Variants in OR51B5 observed in about 807,000 individuals in gnomAD.
OR51B5 encodes olfactory receptor family 51 subfamily B member 5, also known as olfactory receptor 51B5.
For missense variants in OR51B5, 456 were observed against 374.6 expected, an observed-to-expected ratio of 1.22 and a Z score of -1.79; for synonymous variants, 186 against 144.8, an observed-to-expected ratio of 1.28 and a Z score of -2.04.
chr11:5,421,483 G>A (rs1300600956), intron 1 of OR51B5, among the ~76,000 whole-genome samples: 2 of 152,234 alleles, frequency 1.3e-5, no homozygotes, highest in East Asian at 1.9e-4. Context: ...CTCAATAAAT[G>A]TGATTGTCTT....
chr11:5,382,274 C>T lies in OR51B5; in HGVS notation n.85-35364G>A, dbSNP rs376020576. Among the ~76,000 whole-genome samples the T allele has an allele frequency of 7.2e-5, 11 of 152,322 alleles. No homozygotes were observed. In the East Asian group the frequency reaches 1.7e-3, roughly 24 times the overall value. Reference sequence around the variant, plus strand: ...TTCCTCACCTCCATGCCCTTGCTTACACTACCCCTCCTTTTTGGAAATACC... The same window carrying T: ...TTCCTCACCTCCATGCCCTTGCTTATACTACCCCTCCTTTTTGGAAATACC... On this transcript the variant is annotated intron_variant and non_coding_transcript_variant, in intron 1 of 4. Transcript: ENST00000415970.
intron 1 of OR51B5, among the ~76,000 whole-genome samples, chr11:5,443,131 A>C (rs928156335): frequency 6.6e-6 from 1 of 152,152 alleles, no homozygotes; most frequent in African/African-American, 2.4e-5. Context: ...CTCTTCTACT[A>C]TATTTTCATG....
chr11:5,442,144 C>A (rs1330783536), intron 1 of OR51B5, among the ~76,000 whole-genome samples: 1 of 152,104 alleles, frequency 6.6e-6, no homozygotes, highest in Non-Finnish European at 1.5e-5. Context: ...AACTACTCAC[C>A]CACACTAAAA....
chr11:5,452,362 CG>C (rs1271523521), intron 1 of OR51B5, among the ~76,000 whole-genome samples: 1 of 151,690 alleles, frequency 6.6e-6, no homozygotes, highest in Non-Finnish European at 1.5e-5. Flanking sequence ...AAAAATTAGC[CG>C]GGCATGGTGG....
At chr11:5,416,375 G>C (rs889301984) in intron 1 of OR51B5, among the ~76,000 whole-genome samples, 5 of 152,138 alleles carry the variant, frequency 3.3e-5, no homozygotes, top group African/African-American at 1.2e-4. Flanking sequence ...ACAAGACAAG[G>C]ATGCCCTCTC....
chr11:5,371,814 A>T (rs568579067), intron 1 of OR51B5, among the ~76,000 whole-genome samples: 1 of 152,178 alleles, frequency 6.6e-6, no homozygotes, highest in Admixed American at 6.5e-5. Context: ...TTTACAGTAC[A>T]GTATTAAGTC....
rs755339032 is a variant in OR51B5 at position 5,351,629 on chromosome 11, G to A, written n.85-4719C>T. On this transcript the variant is annotated intron_variant and non_coding_transcript_variant, in intron 1 of 4. Coordinates refer to the OR51B5 transcript ENST00000415970. Reference sequence around the variant, plus strand: ...TACATCTCCATACTTCTTGGCAATGGCACTCTTCTCTTTCTCATCAGGAAT... The same window carrying A: ...TACATCTCCATACTTCTTGGCAATGACACTCTTCTCTTTCTCATCAGGAAT... 23 of 1,613,882 alleles carry A rather than the reference G, an allele frequency of 1.4e-5. No individual in the cohort carries two copies. The South Asian group carries it at 2.3e-4, about 16-fold the overall frequency.
chr11:5,431,765 A>G (rs1290387503), intron 1 of OR51B5, among the ~76,000 whole-genome samples: 6 of 152,250 alleles, frequency 3.9e-5, no homozygotes, highest in African/African-American at 1.4e-4. Flanking sequence ...TCTGAATAAA[A>G]GTATAACAGA....
At chr11:5,407,916 G>T (rs976073039) in intron 1 of OR51B5, among the ~76,000 whole-genome samples, 15 of 151,966 alleles carry the variant, frequency 9.9e-5, no homozygotes, top group East Asian at 3.9e-4. Flanking sequence ...ATTGACAAAG[G>T]TTAAACATTC....
At chr11:5,393,825 T>C (rs550668417) in intron 1 of OR51B5, among the ~76,000 whole-genome samples, 1 of 152,306 alleles carries the variant, frequency 6.6e-6, no homozygotes, top group Non-Finnish European at 1.5e-5. Context: ...AAATCATTAA[T>C]GTAAGTCAGA....
chr11:5,377,489 G>C (rs778972381), intron 1 of OR51B5, among the ~76,000 whole-genome samples: 5 of 152,086 alleles, frequency 3.3e-5, no homozygotes, highest in African/African-American at 9.7e-5. Context: ...AGGAAAAAAG[G>C]GTATTCAATT....
intron 1 of OR51B5, among the ~76,000 whole-genome samples, chr11:5,358,333 T>C (rs1356715338): frequency 1.3e-5 from 2 of 150,702 alleles, no homozygotes; most frequent in African/African-American, 4.9e-5. Context: ...CCCACAGAAA[T>C]ACAAACCACC....
chr11:5,488,804 C>G, intron 1 of OR51B5: 1 of 1,614,036 alleles, frequency 6.2e-7, no homozygotes, highest in Middle Eastern at 1.7e-4. Flanking sequence ...ATTGCCATCC[C>G]TTTCTGTGCC....
At chr11:5,384,433 C>A (rs897124030) in intron 1 of OR51B5, among the ~76,000 whole-genome samples, 1 of 152,192 alleles carries the variant, frequency 6.6e-6, no homozygotes, top group African/African-American at 2.4e-5. Context: ...TGCACAGAAC[C>A]AGAGCCAGAG....
chr11:5,441,432 C>A (rs751302149), intron 1 of OR51B5: 1 of 1,613,914 alleles, frequency 6.2e-7, no homozygotes, highest in Admixed American at 1.7e-5. Context: ...CAGGGCAACC[C>A]AGGTGAGGCC....
chr11:5,449,516 G>A (rs1377567575), intron 1 of OR51B5, among the ~76,000 whole-genome samples: 1 of 152,212 alleles, frequency 6.6e-6, no homozygotes, highest in Non-Finnish European at 1.5e-5. Flanking sequence ...ATGAGCAAAG[G>A]AGCAGGAAAG....
chr11:5,497,853 A>G (rs1311851041), intron 1 of OR51B5, among the ~76,000 whole-genome samples: 2 of 152,284 alleles, frequency 1.3e-5, no homozygotes, highest in East Asian at 3.9e-4. Context: ...GAGGCTCTTA[A>G]CTATACACAC....
At chr11:5,443,377 A>G (rs1850719509) in intron 1 of OR51B5, among the ~76,000 whole-genome samples, 1 of 152,080 alleles carries the variant, frequency 6.6e-6, no homozygotes, top group Admixed American at 6.6e-5. Context: ...CCCAATGAAA[A>G]GGCAAAGCAT....
intron 1 of OR51B5, among the ~76,000 whole-genome samples, chr11:5,374,215 C>CA (rs1198615830): frequency 6.6e-6 from 1 of 152,282 alleles, no homozygotes; most frequent in East Asian, 1.9e-4. Context: ...GATACCCAGG[C>CA]AAACAGGGTC....
Sources: gnomAD v4.1 joint callset for allele counts (sites outside exome capture counted in the v4.1 genomes callset) on GRCh38, gnomAD v4.1.1 for gene constraint, MANE v1.5 for transcripts, NCBI Gene and HGNC (gene_info 2026-07-23, HGNC 2026-07-21) for gene names.